Variants in TEX19 observed in about 807,000 individuals in gnomAD.
The protein encoded by TEX19 is testis expressed 19.
For synonymous variants in TEX19, 77 were observed against 73.9 expected (o/e 1.04, Z -0.21); for missense variants, 184 against 194.4 (o/e 0.95, Z 0.32).
intron 1 of TEX19, among the ~76,000 whole-genome samples, chr17:82,359,750 T>C (rs1447311704): frequency 1.4e-4 from 14 of 100,458 alleles, no homozygotes; most frequent in East Asian, 6.2e-4. Context: ...TCAGGTTCCC[T>C]CAGTTTCCCC....
At chr17:82,361,497 C>CA (rs2052393204) in intron 1 of TEX19, 1 of 498,846 alleles carries the variant, frequency 2.0e-6, no homozygotes, top group Non-Finnish European at 2.6e-6. Flanking sequence ...CAGGTTCCCC[C>CA]AGTTTCCCTC....
rs1247913187 is a variant in TEX19 at position 82,362,170 on chromosome 17, TG to T, written c.21del (p.Met7IlefsTer25). The T allele has an allele frequency of 6.2e-7, 1 of 1,610,916 alleles. No homozygotes were observed. The highest frequency in any genetic ancestry group is 8.5e-7 in the Non-Finnish European group (1 of 1,178,894). ...CTGGCCATGTGCCCTCCGGTCAGCA[TG>T]CGGTATGAGGAAGAGGGCATGTCCT... Reference protein sequence around the residue: MCPPVSMRYEEEGMSYL... With the variant: MCPPVSXRYEEEGMSYL... On this transcript the variant is annotated frameshift_variant, in exon 2 of 2. Transcript: ENST00000333437. LOFTEE classifies it low-confidence loss of function (END_TRUNC). The surrounding 1 kb of genome is among the most constrained non-coding windows in gnomAD (Gnocchi z 5.5).
At chr17:82,360,449 T>C (rs1327726259) in intron 1 of TEX19, among the ~76,000 whole-genome samples, 1 of 85,644 alleles carries the variant, frequency 1.2e-5, no homozygotes, top group East Asian at 4.3e-4. Context: ...CCAGTTTCCC[T>C]CAGGTTCCCT....
At position 82,362,433 on chromosome 17, in the gene TEX19, T is replaced by C. The variant is rs2052403327; in HGVS notation, c.283T>C (p.Ser95Pro). The C allele has an allele frequency of 6.2e-7, 1 of 1,612,600 alleles. No individual in the cohort carries two copies. Among genetic ancestry groups the C allele is most frequent in the African/African-American group, 1.3e-5 (1 of 74,886 alleles). ...CCCAGGACAGCCTGTGCAGGGGGGCTCTGAGGCATGGGGGCCAGGGACCCT... is the reference window on the plus strand; with the variant it reads ...CCCAGGACAGCCTGTGCAGGGGGGCCCTGAGGCATGGGGGCCAGGGACCCT... ...QSPGQPVQGG[S>P]EAWGPGTLAA... Residue 95 changes from serine to proline, a missense_variant, in exon 2 of 2, where the codon TCT becomes CCT. Ser to Pro is a moderately conservative substitution (Grantham distance 74). Coordinates refer to ENST00000333437, the MANE Select transcript of TEX19 (RefSeq NM_207459.4). This position sits in a 1 kb window ranked among gnomAD's most constrained non-coding sequence, Gnocchi z 5.5.
Position 82,362,538 on chromosome 17 carries a change from G to A in TEX19, c.388G>A (p.Val130Met), listed in dbSNP as rs116293085. 5.1e-4 allele frequency: 817 copies of A among 1,612,754 alleles called. 2 individuals carry two copies. In the African/African-American group the frequency reaches 9.4e-3, roughly 18 times the overall value. ...VPTELWPQEA[V>M]PLGLGLEDAD... ...CACTGAACTATGGCCTCAGGAGGCT[G>A]TGCCCCTGGGCCTGGGCCTTGAGGA... Residue 130 changes from valine to methionine, a missense_variant, in exon 2 of 2, where the codon GTG (valine) becomes ATG (methionine). Physicochemically the swap from Val to Met is conservative, Grantham distance 21. Transcript: ENST00000333437. The surrounding 1 kb of genome is among the most constrained non-coding windows in gnomAD (Gnocchi z 5.5).
Position 82,362,589 on chromosome 17 carries a change from T to G in TEX19, c.439T>G (p.Trp147Gly), listed in dbSNP as rs759919288. Residue 147 changes from tryptophan (W) to glycine (G), a missense_variant, in exon 2 of 2, where the codon TGG (tryptophan) becomes GGG (glycine). Transcript: ENST00000333437. The surrounding 1 kb of genome is among the most constrained non-coding windows in gnomAD (Gnocchi z 5.5). Reference sequence around the variant, plus strand: ...TGCTGACTGGACCCAGGGTCTTCCCTGGAGATTTGAGGAGCTTCTTACCTG... The same window carrying G: ...TGCTGACTGGACCCAGGGTCTTCCCGGGAGATTTGAGGAGCTTCTTACCTG... ...EDADWTQGLP[W>G]RFEELLTCSH... The G allele has an allele frequency of 1.3e-6, 2 of 1,594,614 alleles. No individual in the cohort carries two copies. The highest frequency in any genetic ancestry group is 1.7e-6 in the Non-Finnish European group (2 of 1,173,934).
Position 82,361,934 on chromosome 17 carries a change from C to T in TEX19, c.-217C>T, listed in dbSNP as rs2052398067. The T allele has an allele frequency of 1.3e-6, 1 of 757,344 alleles. No homozygotes were observed. Among genetic ancestry groups the T allele is most frequent in the Non-Finnish European group, 2.0e-6 (1 of 499,806 alleles). The allele number at this position is 757,344 out of a possible 1,614,324, so 46.9% of individuals were successfully genotyped here. A position where few individuals can be genotyped will look rare whatever the true frequency, so the allele number is the denominator to read the frequency against. The stretch of plus-strand genomic sequence containing the variant: ...CTGAAGACATTTCCAGAAGTTCAAG[C>T]TTCCACCCTCTGCAGGTCCCCACTG... On this transcript the variant is annotated 5_prime_UTR_variant, in exon 2 of 2. Transcript: ENST00000333437.
chr17:82,361,136 C>A (rs1468570718), intron 1 of TEX19, among the ~76,000 whole-genome samples: 1 of 134,136 alleles, frequency 7.5e-6, no homozygotes, highest in Non-Finnish European at 1.6e-5. Flanking sequence ...CAATTTCCAT[C>A]AGGTCCCCTC....
Sources: gnomAD v4.1 joint callset for allele counts (sites outside exome capture counted in the v4.1 genomes callset) on GRCh38, gnomAD v4.1.1 for gene constraint, Gnocchi (gnomAD v3.1) non-coding constraint, MANE v1.5 for transcripts, NCBI Gene and HGNC (gene_info 2026-07-23, HGNC 2026-07-21) for gene names.